Variants in NDST4 observed in about 807,000 individuals in gnomAD.
The protein encoded by NDST4 is N-heparan sulfate sulfotransferase 4.
In NDST4, 63 loss-of-function variants were observed where a neutral mutation model predicts 100.8. The observed-to-expected ratio is 0.62, with a 90% CI of 0.51 to 0.77. The LOEUF (loss-of-function observed/expected upper bound fraction) is 0.77. Ranked by LOEUF, NDST4 falls within the 30% of genes least tolerant of loss-of-function variation. The pLI is 0.00. For missense variants in NDST4, 943 were observed against 1,018.4 expected, an observed-to-expected ratio of 0.93 and a Z score of 1.01; for synonymous variants, 377 against 361.8, an observed-to-expected ratio of 1.04 and a Z score of -0.48.
intron 2 of NDST4, among the ~76,000 whole-genome samples, chr4:115,016,996 T>C (rs1056612374): frequency 8.6e-6 from 1 of 115,926 alleles, no homozygotes; most frequent in Non-Finnish European, 1.6e-5. Flanking sequence ...CATGTGTGTA[T>C]GTGTGTGTGT....
At chr4:115,023,321 A>T (rs1443141726) in intron 2 of NDST4, among the ~76,000 whole-genome samples, 2 of 152,074 alleles carry the variant, frequency 1.3e-5, no homozygotes, top group African/African-American at 2.4e-5. Flanking sequence ...CCCCATCTCT[A>T]CTAAAAATAC....
chr4:114,832,403 T>C (rs1315753865), intron 12 of NDST4, among the ~76,000 whole-genome samples: 1 of 152,232 alleles, frequency 6.6e-6, no homozygotes, highest in Admixed American at 6.5e-5. Flanking sequence ...TTGTGCTTGT[T>C]AGAATTTTGT....
At chr4:114,973,158 T>C (rs900795821) in intron 3 of NDST4, among the ~76,000 whole-genome samples, 7 of 152,062 alleles carry the variant, frequency 4.6e-5, no homozygotes, top group Admixed American at 2.0e-4. Flanking sequence ...GATGAAAGTA[T>C]TACATTTTGG....
chr4:114,993,959 A>G (rs1302784458), intron 2 of NDST4, among the ~76,000 whole-genome samples: 2 of 152,024 alleles, frequency 1.3e-5, no homozygotes, highest in African/African-American at 4.8e-5. Context: ...CCATTTTTCA[A>G]AGCCATATTG....
intron 4 of NDST4, among the ~76,000 whole-genome samples, chr4:114,948,601 T>C (rs557347195): frequency 1.3e-5 from 2 of 152,234 alleles, no homozygotes; most frequent in East Asian, 3.9e-4. Flanking sequence ...GTTGAAGTGA[T>C]ATCATATTTG....
At chr4:115,056,215 G>C (rs1728690751) in intron 2 of NDST4, among the ~76,000 whole-genome samples, 1 of 151,948 alleles carries the variant, frequency 6.6e-6, no homozygotes, top group African/African-American at 2.4e-5. Flanking sequence ...AGCCAAGCAT[G>C]ATGGCTCATG....
intron 2 of NDST4, among the ~76,000 whole-genome samples, chr4:115,033,370 C>G (rs557520691): frequency 6.6e-6 from 1 of 151,578 alleles, no homozygotes; most frequent in South Asian, 2.1e-4. Flanking sequence ...CCCACCTCCA[C>G]CTCTCAAAGT....
intron 1 of NDST4, among the ~76,000 whole-genome samples, chr4:115,097,796 T>A (rs1391090779): frequency 3.3e-5 from 5 of 152,158 alleles, no homozygotes; most frequent in Non-Finnish European, 7.4e-5. Context: ...TCCACACAGT[T>A]CTACCAAGTA....
rs759672698 is a variant in NDST4, at chr4:114,974,960, C to T, written c.1066+2227G>A. On this transcript the variant is annotated intron_variant, in intron 3 of 13. Transcript: ENST00000264363. ...GAAATCAGATCATTCTGGGAGAGAA[C>T]AGAGACAGTCAGTCCGACAAGGCCA... Among the ~76,000 whole-genome samples the T allele has an allele frequency of 3.4e-4, 52 of 152,146 alleles. 2 individuals carry two copies. Among genetic ancestry groups the T allele is most frequent in the Admixed American group, 3.1e-3 (47 of 15,254 alleles).
At chr4:114,871,897 A>G (rs1446613646) in intron 6 of NDST4, among the ~76,000 whole-genome samples, 2 of 152,004 alleles carry the variant, frequency 1.3e-5, no homozygotes, top group Admixed American at 1.3e-4. Flanking sequence ...TAATTTATTA[A>G]CTTTATTAGA....
intron 10 of NDST4, among the ~76,000 whole-genome samples, chr4:114,845,315 G>C (rs1353325931): frequency 1.3e-5 from 2 of 152,180 alleles, no homozygotes; most frequent in Non-Finnish European, 2.9e-5. Flanking sequence ...CTGGGTAATA[G>C]AGTGAGACCT....
intron 11 of NDST4, 92 bp downstream of exon 11, chr4:114,839,286 A>G: frequency 8.1e-7 from 1 of 1,229,830 alleles, no homozygotes; most frequent in East Asian, 2.6e-5. Context: ...CATGATAAGC[A>G]GAAGAAAGTA....
intron 2 of NDST4, among the ~76,000 whole-genome samples, chr4:114,996,531 A>C (rs79132317): frequency 0.012 from 1,856 of 152,162 alleles, 19 homozygotes; most frequent in Non-Finnish European, 0.016. Flanking sequence ...GAACACCTTT[A>C]AGTAATAGAA....
chr4:115,064,252 C>T lies in NDST4; in HGVS notation c.978+11807G>A, dbSNP rs534908876. Among the ~76,000 whole-genome samples the T allele has an allele frequency of 3.8e-3, 575 of 152,090 alleles. 3 individuals carry two copies. Among genetic ancestry groups the T allele is most frequent in the African/African-American group, 0.013 (532 of 41,526 alleles). ...AAGCATGCCTATAAACCACTTGTTT[C>T]TAACAAAAAATAGACATCTTTGCAA... On this transcript the variant is annotated intron_variant, in intron 2 of 13. Coordinates refer to ENST00000264363, the MANE Select transcript of NDST4 (RefSeq NM_022569.3).
At chr4:115,040,784 C>A (rs545001604) in intron 2 of NDST4, among the ~76,000 whole-genome samples, 1 of 151,840 alleles carries the variant, frequency 6.6e-6, no homozygotes, top group Non-Finnish European at 1.5e-5. Context: ...CAGCTTCCCA[C>A]CAAAGTTAGA....
At chr4:114,925,946 T>A (rs966576263) in intron 6 of NDST4, among the ~76,000 whole-genome samples, 11 of 152,168 alleles carry the variant, frequency 7.2e-5, no homozygotes, top group African/African-American at 2.7e-4. Context: ...GGAAACCATC[T>A]GATAAGACTC....
chr4:114,885,928 A>C (rs1044765275), intron 6 of NDST4, among the ~76,000 whole-genome samples: 1 of 152,092 alleles, frequency 6.6e-6, no homozygotes, highest in African/African-American at 2.4e-5. Flanking sequence ...CAAGCAATCA[A>C]GTTATAACTG....
At chr4:114,888,666 T>C (rs796575273) in intron 6 of NDST4, among the ~76,000 whole-genome samples, 2 of 152,204 alleles carry the variant, frequency 1.3e-5, no homozygotes, top group African/African-American at 4.8e-5. Flanking sequence ...CATCATTTTT[T>C]AATTTCTCCT....
chr4:114,846,980 T>C (rs1046842612), intron 9 of NDST4, among the ~76,000 whole-genome samples: 1 of 152,120 alleles, frequency 6.6e-6, no homozygotes, highest in Non-Finnish European at 1.5e-5. Context: ...TAGGATATAA[T>C]GTCCCAGATG....
Sources: gnomAD v4.1 joint callset for allele counts (sites outside exome capture counted in the v4.1 genomes callset) on GRCh38, gnomAD v4.1.1 for gene constraint, MANE v1.5 for transcripts, NCBI Gene and HGNC (gene_info 2026-07-23, HGNC 2026-07-21) for gene names.